RNF216: variants seen among roughly 807,000 people sequenced by gnomAD.
RNF216 encodes ring finger protein 216.
In RNF216, 72 loss-of-function variants were observed where a neutral mutation model predicts 110.8. The observed-to-expected ratio is 0.65, with a 90% CI of 0.54 to 0.79. The LOEUF (loss-of-function observed/expected upper bound fraction) is 0.79. RNF216 is among the 30% of genes least tolerant of loss of function. RNF216 has a pLI of 0.00. For synonymous variants in RNF216, 495 were observed against 407.5 expected, an observed-to-expected ratio of 1.21 and a Z score of -2.59; for missense variants, 1,342 against 1,141.2, an observed-to-expected ratio of 1.18 and a Z score of -2.54.
At chr7:5,775,595 T>A (rs547300579) in intron 1 of RNF216, among the ~76,000 whole-genome samples, 13 of 151,312 alleles carry the variant, frequency 8.6e-5, no homozygotes, top group South Asian at 2.1e-4. Context: ...GCAGGCCAGG[T>A]GCAGTGGCTC....
At chr7:5,684,971 G>T (rs1017346016) in intron 13 of RNF216, among the ~76,000 whole-genome samples, 55 of 152,256 alleles carry the variant, frequency 3.6e-4, no homozygotes, top group African/African-American at 1.3e-3. Context: ...ATGTGCAGGG[G>T]GTATCAGATT....
chr7:5,738,733 T>G lies in RNF216; in HGVS notation c.1121+543A>C, dbSNP rs201907827. On this transcript the variant is annotated intron_variant, in intron 5 of 16. Transcript: ENST00000389902. ...AAAAAAAAAAAAAAAAAAAAAAAAA[T>G]GCTTCCATGTATTTCTCCAAACAGA... Among the ~76,000 whole-genome samples the G allele has an allele frequency of 5.1e-4, 59 of 116,098 alleles. No individual in the cohort carries two copies. The South Asian group carries it at 9.5e-3, about 19-fold the overall frequency. 76.2% of individuals were successfully genotyped at this position (116,098 alleles called of 152,430 possible).
intron 3 of RNF216, among the ~76,000 whole-genome samples, chr7:5,746,103 C>A (rs2128658181): frequency 6.6e-6 from 1 of 152,230 alleles, no homozygotes; most frequent in East Asian, 1.9e-4. Context: ...ACGGCTAACT[C>A]CCTTTTTTGG....
chr7:5,625,639 G>A (rs1050407740), intron 15 of RNF216, among the ~76,000 whole-genome samples: 2 of 152,228 alleles, frequency 1.3e-5, no homozygotes, highest in East Asian at 1.9e-4. Flanking sequence ...CAAGGATTCT[G>A]GAGTTAGGAA....
chr7:5,683,106 AATG>A (rs1380808029), intron 13 of RNF216, among the ~76,000 whole-genome samples: 1 of 152,182 alleles, frequency 6.6e-6, no homozygotes, highest in African/African-American at 2.4e-5. Context: ...GTATGTATGC[AATG>A]ATTATAATTA....
At chr7:5,679,015 T>C (rs576500330) in intron 13 of RNF216, among the ~76,000 whole-genome samples, 1 of 152,364 alleles carries the variant, frequency 6.6e-6, no homozygotes, top group Admixed American at 6.5e-5. Context: ...GTGTAGAATA[T>C]TTTAAAAGTT....
At chr7:5,718,380 C>CA (rs1469811556) in intron 9 of RNF216, among the ~76,000 whole-genome samples, 3 of 152,142 alleles carry the variant, frequency 2.0e-5, no homozygotes, top group African/African-American at 4.8e-5. Context: ...GACTCCGTCT[C>CA]AAAAAACAAA....
chr7:5,778,384 C>G (rs1262745871), intron 1 of RNF216, among the ~76,000 whole-genome samples: 1 of 152,182 alleles, frequency 6.6e-6, no homozygotes, highest in Non-Finnish European at 1.5e-5. Flanking sequence ...TGATTATCCC[C>G]TAGATGTTCC....
chr7:5,730,776 C>T lies in RNF216; in HGVS notation c.1163G>A (p.Arg388Lys). ...FLLENPDYPK[R>K]EDRIIINPSS... ...GGGATTTATAATGATTCTGTCTTCT[C>T]TCTTTGGATAATCTGGGTTTTCCAG... Residue 388 changes from arginine (R) to lysine (K), a missense_variant, in exon 6 of 17, where the codon AGA (arginine) becomes AAA (lysine). Arg to Lys is a conservative substitution (Grantham distance 26). Coordinates refer to ENST00000389902, the MANE Select transcript of RNF216 (RefSeq NM_207111.4). 1 of 1,609,574 alleles carries T rather than the reference C, an allele frequency of 6.2e-7. No homozygotes were observed. Among genetic ancestry groups the T allele is most frequent in the Non-Finnish European group, 8.5e-7 (1 of 1,177,534 alleles).
At chr7:5,711,979 A>C in intron 12 of RNF216, 140 bp from the exon 13 acceptor site, 1 of 678,646 alleles carries the variant, frequency 1.5e-6, no homozygotes, top group South Asian at 1.9e-5. Flanking sequence ...TTTTCCTTAA[A>C]AACACAGATT....
intron 13 of RNF216, among the ~76,000 whole-genome samples, chr7:5,670,148 G>C (rs1159759515): frequency 6.6e-6 from 1 of 151,968 alleles, no homozygotes; most frequent in East Asian, 1.9e-4. Flanking sequence ...TGGCCAGGCT[G>C]GTCTCAAACT....
intron 12 of RNF216, among the ~76,000 whole-genome samples, chr7:5,712,194 T>C (rs904702446): frequency 1.1e-4 from 17 of 152,226 alleles, no homozygotes; most frequent in Admixed American, 6.5e-5. Flanking sequence ...AAGTTTGAGC[T>C]ACAGTCTGGG....
At chr7:5,739,087 G>A (rs981765646) in intron 5 of RNF216, among the ~76,000 whole-genome samples, 189 bp downstream of exon 5, 20 of 152,154 alleles carry the variant, frequency 1.3e-4, no homozygotes, top group Non-Finnish European at 2.6e-4. Flanking sequence ...TGTTTAATGC[G>A]GACAGAGTTT....
chr7:5,685,351 G>C (rs991668443), intron 13 of RNF216, among the ~76,000 whole-genome samples: 2 of 152,170 alleles, frequency 1.3e-5, no homozygotes, highest in African/African-American at 4.8e-5. Context: ...GCCCCTTTCT[G>C]GGTCCATGCT....
chr7:5,683,037 G>GA (rs1176276737), intron 13 of RNF216, among the ~76,000 whole-genome samples: 1 of 152,084 alleles, frequency 6.6e-6, no homozygotes, highest in Non-Finnish European at 1.5e-5. Context: ...TAAGAATGCA[G>GA]AAAGTGCTAT....
intron 15 of RNF216, among the ~76,000 whole-genome samples, chr7:5,627,102 A>C (rs966757288): frequency 6.6e-6 from 1 of 152,182 alleles, no homozygotes; most frequent in Non-Finnish European, 1.5e-5. Context: ...CTTCGATGGC[A>C]CAAGGGGGTA....
chr7:5,725,152 C>G (rs1334437587), intron 8 of RNF216, among the ~76,000 whole-genome samples, 172 bp downstream of exon 8: 1 of 152,210 alleles, frequency 6.6e-6, no homozygotes, highest in Non-Finnish European at 1.5e-5. Context: ...ACAAGTGCAG[C>G]CACTTCCTAA....
intron 2 of RNF216, among the ~76,000 whole-genome samples, chr7:5,759,392 A>C (rs1348065289): frequency 1.3e-5 from 2 of 152,194 alleles, no homozygotes; most frequent in Non-Finnish European, 2.9e-5. Context: ...CAATGTGAGG[A>C]TGATGAAGAT....
chr7:5,715,205 G>T lies in RNF216; in HGVS notation c.1696-15C>A. The T allele has an allele frequency of 6.2e-7, 1 of 1,610,836 alleles. No individual in the cohort carries two copies. On this transcript the variant is annotated splice_polypyrimidine_tract_variant and intron_variant, in intron 10 of 16. Coordinates refer to ENST00000389902, the MANE Select transcript of RNF216 (RefSeq NM_207111.4). Reference sequence around the variant, plus strand: ...AGCTGGCCATCCTGCAGGCAGTCAAGAAACACACATGAAATGTCCTGCACT... The same window carrying T: ...AGCTGGCCATCCTGCAGGCAGTCAATAAACACACATGAAATGTCCTGCACT...
Sources: gnomAD v4.1 joint callset for allele counts (sites outside exome capture counted in the v4.1 genomes callset) on GRCh38, gnomAD v4.1.1 for gene constraint, MANE v1.5 for transcripts, NCBI Gene and HGNC (gene_info 2026-07-23, HGNC 2026-07-21) for gene names.